Variants in ALK observed in about 807,000 individuals in gnomAD.
ALK encodes the protein ALK tyrosine kinase receptor.
A neutral mutation model predicts 163.1 loss-of-function variants in ALK; 74 were observed. The observed-to-expected ratio is 0.45, with a 90% CI of 0.38 to 0.55. The LOEUF is 0.55. Among genes scored for constraint, ALK ranks in the 20% least tolerant of loss-of-function variants. The pLI is 0.00. For missense variants in ALK, 2,063 were observed against 2,105.3 expected, an observed-to-expected ratio of 0.98 and a Z score of 0.39; for synonymous variants, 960 against 843.2, an observed-to-expected ratio of 1.14 and a Z score of -2.40.
rs138721613 is a variant in ALK, at chr2:29,590,330, T to C, written c.953-58214A>G. ...AACGGTCTACCCAAATCATGCATGG[T>C]TCCGCGGCTTGTTTTCAGTTGACCA... On this transcript the variant is annotated intron_variant, in intron 3 of 28. Transcript: ENST00000389048. 2.3e-3 allele frequency among the ~76,000 whole-genome samples: 348 copies of C among 152,264 alleles called. 1 individual carries two copies. Among genetic ancestry groups the C allele is most frequent in the Middle Eastern group, 0.02 (6 of 294 alleles).
intron 4 of ALK, among the ~76,000 whole-genome samples, chr2:29,453,424 C>G (rs542536223): frequency 2.0e-5 from 3 of 151,836 alleles, no homozygotes; most frequent in Non-Finnish European, 2.9e-5. Flanking sequence ...TTGGTAGAGA[C>G]GAGTTCTCAC....
chr2:29,344,712 T>A (rs1667896195), intron 5 of ALK, among the ~76,000 whole-genome samples: 1 of 152,272 alleles, frequency 6.6e-6, no homozygotes, highest in Non-Finnish European at 1.5e-5. Context: ...TTGTTGTTTT[T>A]GCTACTATGC....
At chr2:29,621,102 G>A (rs184021134) in intron 3 of ALK, among the ~76,000 whole-genome samples, 25 of 152,272 alleles carry the variant, frequency 1.6e-4, no homozygotes, top group African/African-American at 5.8e-4. Context: ...TCCAAAGGAG[G>A]GGGAGAGATT....
intron 5 of ALK, among the ~76,000 whole-genome samples, chr2:29,371,994 C>T (rs1279439409): frequency 6.6e-6 from 1 of 152,236 alleles, no homozygotes; most frequent in Non-Finnish European, 1.5e-5. Context: ...TTTATCTTAA[C>T]ATTTGCGTGC....
intron 5 of ALK, among the ~76,000 whole-genome samples, chr2:29,365,225 G>A (rs150293904): frequency 8.6e-4 from 131 of 152,298 alleles, no homozygotes; most frequent in African/African-American, 2.9e-3. Flanking sequence ...AAATAAAATT[G>A]TTTTACATGA....
chr2:29,523,663 A>G (rs1672873443), intron 4 of ALK, among the ~76,000 whole-genome samples: 1 of 152,092 alleles, frequency 6.6e-6, no homozygotes, highest in Admixed American at 6.6e-5. Flanking sequence ...ATATATATTT[A>G]TCATTATGGG....
Position 29,318,423 on chromosome 2 carries a change from A to G in ALK, c.1547-19T>C. ...GCATGGTCTAGGAGAGAGGAAAAGA[A>G]TCACAAGCACGCCATTATCAGGAAC... On this transcript the variant is annotated intron_variant, in intron 7 of 28. Coordinates refer to ENST00000389048, the MANE Select transcript of ALK (RefSeq NM_004304.5). The G allele has an allele frequency of 6.4e-7, 1 of 1,566,104 alleles. No homozygotes were observed. The highest frequency in any genetic ancestry group is 8.8e-7 in the Non-Finnish European group (1 of 1,136,248).
At position 29,811,163 on chromosome 2, in the gene ALK, C is replaced by T. The variant is rs11904555; in HGVS notation, c.668-93466G>A. Among the ~76,000 whole-genome samples, 344 of 152,168 alleles carry T rather than the reference C, an allele frequency of 2.3e-3. 2 individuals are homozygous for T. Among genetic ancestry groups the T allele is most frequent in the African/African-American group, 7.4e-3 (306 of 41,532 alleles). On this transcript the variant is annotated intron_variant, in intron 1 of 28. Transcript: ENST00000389048. ...GTCACACAGATAAGGAGCTTTCATA[C>T]AGTGCTGAGGTCGAAGGCCAGGCTG...
chr2:29,835,822 T>C (rs1020950020), intron 1 of ALK, among the ~76,000 whole-genome samples: 2 of 152,222 alleles, frequency 1.3e-5, no homozygotes, highest in African/African-American at 4.8e-5. Flanking sequence ...TGCCTCCATG[T>C]AAGACAAGCC....
At chr2:29,654,575 A>G (rs1447998690) in intron 3 of ALK, among the ~76,000 whole-genome samples, 4 of 152,162 alleles carry the variant, frequency 2.6e-5, no homozygotes, top group African/African-American at 9.6e-5. Context: ...TGAGGTTAGG[A>G]CCCAGAGAAA....
chr2:29,920,504 C>T lies in ALK; in HGVS notation c.156G>A (p.Lys52=). Residue 52 remains lysine (K), a synonymous_variant, in exon 1 of 29, where the codon AAG becomes AAA. Coordinates refer to ENST00000389048, the MANE Select transcript of ALK (RefSeq NM_004304.5). ...GCACCACGAAGTCAACTGCCAGACT[C>T]TTCCTCTGCAGGCGCGAGTAGCTGA... ...EPLSYSRLQR[K]SLAVDFVVPS... 6.2e-7 allele frequency: 1 copy of T among 1,613,016 alleles called. No homozygotes were observed. The highest frequency in any genetic ancestry group is 8.5e-7 in the Non-Finnish European group (1 of 1,179,700).
intron 4 of ALK, among the ~76,000 whole-genome samples, chr2:29,491,122 C>CATT (rs1671889319): frequency 6.6e-6 from 1 of 152,176 alleles, no homozygotes; most frequent in African/African-American, 2.4e-5. Context: ...CCTTAATAAA[C>CATT]ATTATCTTAT....
chr2:29,832,365 G>C (rs1276111582), intron 1 of ALK, among the ~76,000 whole-genome samples: 11 of 152,208 alleles, frequency 7.2e-5, no homozygotes, highest in African/African-American at 2.7e-4. Flanking sequence ...TGATGTGTCA[G>C]AACTAGGGAA....
chr2:29,395,804 C>G (rs989617425), intron 4 of ALK, among the ~76,000 whole-genome samples: 1 of 152,178 alleles, frequency 6.6e-6, no homozygotes, highest in African/African-American at 2.4e-5. Flanking sequence ...AAGAATCCAA[C>G]AGCCAGGCCT....
In ALK at chr2:29,453,128, T is replaced by C. The variant is rs535349175; in HGVS notation, c.1155-69269A>G. Among the ~76,000 whole-genome samples, 32 of 152,368 alleles carry C rather than the reference T, an allele frequency of 2.1e-4. No individual in the cohort carries two copies. The East Asian group carries it at 4.6e-3, about 22-fold the overall frequency. On this transcript the variant is annotated intron_variant, in intron 4 of 28. Coordinates refer to ENST00000389048, the MANE Select transcript of ALK (RefSeq NM_004304.5). ...GTTGATTTTCTGTTTTCAGTAATTA[T>C]GTTTTAGTTAGATAAGATGTTGGCA...
At position 29,343,174 on chromosome 2, in the gene ALK, C is replaced by T. The variant is rs1667846877; in HGVS notation, c.1283-14693G>A. ...GGGCTGAGATTACAGGCATGAGCCA[C>T]CGTGCCTGGCCGATCTTTTTTTTAA... On this transcript the variant is annotated intron_variant, in intron 5 of 28. Transcript: ENST00000389048. Among the ~76,000 whole-genome samples, 9 of 150,190 alleles carry T rather than the reference C, an allele frequency of 6.0e-5. 1 individual carries two copies. In the South Asian group the frequency reaches 1.5e-3, roughly 25 times the overall value.
rs549146136 is a variant in ALK, at chr2:29,250,656, G to A, written c.2204+449C>T. Among the ~76,000 whole-genome samples, 38 of 152,294 alleles carry A rather than the reference G, an allele frequency of 2.5e-4. No homozygotes were observed. The East Asian group carries it at 6.0e-3, about 24-fold the overall frequency. Reference sequence around the variant, plus strand: ...GGGTAGGGTTGGGGCTGGGAGGAGCGTTCCAGAACAGTTTGCTCTCTTACC... The same window carrying A: ...GGGTAGGGTTGGGGCTGGGAGGAGCATTCCAGAACAGTTTGCTCTCTTACC... On this transcript the variant is annotated intron_variant, in intron 12 of 28. Coordinates refer to ENST00000389048, the MANE Select transcript of ALK (RefSeq NM_004304.5).
intron 3 of ALK, among the ~76,000 whole-genome samples, chr2:29,552,887 G>C (rs536736726): frequency 6.6e-6 from 1 of 152,236 alleles, no homozygotes; most frequent in African/African-American, 2.4e-5. Flanking sequence ...CTCCCATCCT[G>C]CCTGTCCACC....
intron 22 of ALK, among the ~76,000 whole-genome samples, chr2:29,221,569 A>G (rs1669805861): frequency 6.6e-6 from 1 of 152,186 alleles, no homozygotes; most frequent in Non-Finnish European, 1.5e-5. Context: ...ATACTTGCCA[A>G]GTTTTATTCA....
Sources: gnomAD v4.1 joint callset for allele counts (sites outside exome capture counted in the v4.1 genomes callset) on GRCh38, gnomAD v4.1.1 for gene constraint, MANE v1.5 for transcripts, NCBI Gene and HGNC (gene_info 2026-07-23, HGNC 2026-07-21) for gene names.